DRC11L: variants seen among roughly 807,000 people sequenced by gnomAD.
DRC11L encodes dynein regulatory complex subunit like-11.
At chr7:151,190,989 TTTC>T in the DRC11L span, 4 of 400,152 alleles carry the variant, frequency 1.0e-5, no homozygotes, top group African/African-American at 2.1e-5. Flanking sequence ...ATCACTTCCT[TTTC>T]TTCTTCTCCT....
chr7:151,197,857 A>T, the DRC11L span: 3 of 399,278 alleles, frequency 7.5e-6, no homozygotes, highest in African/African-American at 6.2e-5. Flanking sequence ...ATTGAGTAGG[A>T]TCCACCTGAA....
the DRC11L span, chr7:151,192,198 C>A: frequency 2.5e-6 from 1 of 398,396 alleles, no homozygotes; most frequent in Non-Finnish European, 4.4e-6. Context: ...GGTGAGGGCT[C>A]GCAGCAGCAA....
the DRC11L span, chr7:151,197,097 T>C: frequency 2.5e-6 from 1 of 399,402 alleles, no homozygotes; most frequent in East Asian, 3.6e-5. Flanking sequence ...CACCTCTGCC[T>C]AGCACAGACT....
At chr7:151,192,263 C>T in the DRC11L span, 1 of 399,126 alleles carries the variant, frequency 2.5e-6, no homozygotes, top group East Asian at 3.6e-5. Flanking sequence ...GTCCCCACAT[C>T]CCCAGGCCTC....
the DRC11L span, among the ~76,000 whole-genome samples, chr7:151,201,407 G>GACTC: frequency 2.6e-5 from 4 of 152,166 alleles, no homozygotes; most frequent in Non-Finnish European, 5.9e-5. The surrounding 1 kb of genome is among the most constrained non-coding windows in gnomAD (Gnocchi z 4.1). Context: ...GGGGAAGTGG[G>GACTC]ACTCCATCTT....
the DRC11L span, among the ~76,000 whole-genome samples, chr7:151,203,842 C>A: frequency 6.6e-6 from 1 of 152,142 alleles, no homozygotes; most frequent in Non-Finnish European, 1.5e-5. Context: ...ATGACAGGAC[C>A]TGGGGAATCT....
At chr7:151,195,304 C>G in the DRC11L span, 1 of 397,924 alleles carries the variant, frequency 2.5e-6, no homozygotes, top group Non-Finnish European at 4.4e-6. Context: ...GCCAGGGAGT[C>G]AGAGAGGGAA....
chr7:151,191,963 T>G, the DRC11L span: 1 of 398,554 alleles, frequency 2.5e-6, no homozygotes, highest in Non-Finnish European at 4.4e-6. Flanking sequence ...CGCCTGGATC[T>G]GGAAGGAGTT....
chr7:151,203,361 T>C, the DRC11L span: 1 of 399,370 alleles, frequency 2.5e-6, no homozygotes, highest in South Asian at 1.3e-4. Context: ...AGATGGGGTA[T>C]GGAAGAGTCT....
At chr7:151,202,036 G>A in the DRC11L span, among the ~76,000 whole-genome samples, 6 of 152,332 alleles carry the variant, frequency 3.9e-5, no homozygotes, top group East Asian at 1.9e-4. Context: ...CAAAGGAGAC[G>A]TGTGAGAACC....
the DRC11L span, among the ~76,000 whole-genome samples, chr7:151,200,177 G>A: frequency 2.0e-5 from 3 of 152,176 alleles, no homozygotes; most frequent in African/African-American, 7.2e-5. Context: ...GCCAGGGGCC[G>A]GATTTCTACA....
At chr7:151,195,013 C>A in the DRC11L span, among the ~76,000 whole-genome samples, 2 of 152,164 alleles carry the variant, frequency 1.3e-5, no homozygotes, top group Non-Finnish European at 2.9e-5. Flanking sequence ...GACGTCAAGT[C>A]GCTTGTGAGC....
At chr7:151,199,740 G>A in the DRC11L span, among the ~76,000 whole-genome samples, 5 of 152,350 alleles carry the variant, frequency 3.3e-5, no homozygotes, top group Non-Finnish European at 5.9e-5. The surrounding 1 kb of genome is among the most constrained non-coding windows in gnomAD (Gnocchi z 5.2). Flanking sequence ...AGCTCCTTCT[G>A]GCAGCCAGGC....
At chr7:151,201,706 G>T in the DRC11L span, among the ~76,000 whole-genome samples, 9 of 152,200 alleles carry the variant, frequency 5.9e-5, no homozygotes, top group Non-Finnish European at 1.2e-4. The surrounding 1 kb of genome is among the most constrained non-coding windows in gnomAD (Gnocchi z 4.1). Flanking sequence ...AGAGAGGAAG[G>T]CGGGGGAGAT....
chr7:151,202,399 C>T, the DRC11L span, among the ~76,000 whole-genome samples: 4 of 152,292 alleles, frequency 2.6e-5, no homozygotes, highest in Admixed American at 1.3e-4. Context: ...CTGTTCTATG[C>T]TATTATGGAT....
chr7:151,204,887 G>A, the DRC11L span: 3 of 399,110 alleles, frequency 7.5e-6, no homozygotes, highest in Non-Finnish European at 1.3e-5. Context: ...GAGGAGTGGG[G>A]AGACGGAGCA....
chr7:151,192,157 C>T, the DRC11L span: 1 of 398,210 alleles, frequency 2.5e-6, no homozygotes, highest in Non-Finnish European at 4.4e-6. Context: ...GCTGCTTGTC[C>T]AGCAGCCCTT....
chr7:151,203,371 T>C, the DRC11L span: 1 of 399,420 alleles, frequency 2.5e-6, no homozygotes, highest in Non-Finnish European at 4.4e-6. Context: ...TGGAAGAGTC[T>C]GGGAGGGTGT....
the DRC11L span, chr7:151,198,053 A>T: frequency 2.5e-5 from 4 of 161,008 alleles, no homozygotes; most frequent in East Asian, 2.9e-4. Flanking sequence ...TAGAAGGGTG[A>T]GTGGGTAGAT....
Sources: gnomAD v4.1 joint callset for allele counts (sites outside exome capture counted in the v4.1 genomes callset) on GRCh38, gnomAD v4.1.1 for gene constraint, Gnocchi (gnomAD v3.1) non-coding constraint, MANE v1.5 for transcripts, NCBI Gene and HGNC (gene_info 2026-07-23, HGNC 2026-07-21) for gene names.